The following MARCHF10 variants were observed in gnomAD, a reference collection of about 807,000 sequenced individuals.
The protein encoded by MARCHF10 is membrane associated ring-CH-type finger 10, also known as probable E3 ubiquitin-protein ligase MARCHF10.
Under a neutral mutation model 76.2 loss-of-function variants are expected in MARCHF10, and 64 were observed. That is an observed-to-expected ratio of 0.84 (90% CI 0.69 to 1.03). The LOEUF (loss-of-function observed/expected upper bound fraction) is 1.03. MARCHF10 is among the 50% of genes least tolerant of loss of function. The pLI is 0.00. For synonymous variants in MARCHF10, 340 were observed against 357.5 expected (o/e 0.95, Z 0.55); for missense variants, 875 against 958.0 (o/e 0.91, Z 1.14).
intron 3 of MARCHF10, among the ~76,000 whole-genome samples, chr17:62,771,652 C>G (rs2092450750): frequency 6.7e-6 from 1 of 150,006 alleles, no homozygotes; most frequent in African/African-American, 2.5e-5. Context: ...TCTCGGCTCA[C>G]TGCAAGCTCT....
intron 1 of MARCHF10, among the ~76,000 whole-genome samples, chr17:62,803,400 G>T (rs2093109629): frequency 1.3e-5 from 2 of 152,154 alleles, no homozygotes; most frequent in African/African-American, 4.8e-5. Context: ...GAAGACCATT[G>T]GGAATATTTC....
At chr17:62,796,209 C>G (rs1482597551) in intron 2 of MARCHF10, among the ~76,000 whole-genome samples, 3 of 152,014 alleles carry the variant, frequency 2.0e-5, no homozygotes, top group Non-Finnish European at 4.4e-5. Flanking sequence ...CCAGGCTGAT[C>G]TCAAACTCCT....
intron 2 of MARCHF10, among the ~76,000 whole-genome samples, chr17:62,789,404 A>G (rs2092804603): frequency 6.6e-6 from 1 of 152,200 alleles, no homozygotes; most frequent in Non-Finnish European, 1.5e-5. Context: ...TCTACTAAAA[A>G]GCCTGCTGCT....
rs1411181103 is a variant in MARCHF10 at position 62,736,797 on chromosome 17, G to C, written c.1071C>G (p.Ser357Arg). ...SEPSHGSLRI[S>R]NAMEPATERP... Reference sequence around the variant, plus strand: ...GCTCTGTTGCTGGCTCCATTGCATTGCTTATTCTCAATGAGCCATGACTGG... The same window carrying C: ...GCTCTGTTGCTGGCTCCATTGCATTCCTTATTCTCAATGAGCCATGACTGG... The change falls in exon 6 of 11, where the codon AGC (serine) becomes AGG (arginine). Residue 357 changes from serine (S) to arginine (R), a missense_variant. Transcript: ENST00000311269. 1.2e-6 allele frequency: 2 copies of C among 1,614,128 alleles called. No individual in the cohort carries two copies. Among genetic ancestry groups the C allele is most frequent in the Non-Finnish European group, 1.7e-6 (2 of 1,180,022 alleles).
chr17:62,733,036 C>CTAGAA (rs1358634464), intron 6 of MARCHF10, among the ~76,000 whole-genome samples: 1 of 139,568 alleles, frequency 7.2e-6, no homozygotes, highest in Non-Finnish European at 1.6e-5. Context: ...AAAAGACAAA[C>CTAGAA]TAGACAAACT....
chr17:62,710,654 G>A (rs984268000), intron 9 of MARCHF10, among the ~76,000 whole-genome samples: 2 of 148,754 alleles, frequency 1.3e-5, no homozygotes, highest in African/African-American at 5.0e-5. Context: ...TGTCTTCTGG[G>A]TTCCAGCGAT....
intron 6 of MARCHF10, among the ~76,000 whole-genome samples, chr17:62,731,803 C>A (rs1353823142): frequency 6.6e-6 from 1 of 152,048 alleles, no homozygotes; most frequent in Non-Finnish European, 1.5e-5. Flanking sequence ...GGAGACCGAT[C>A]AAATCATAAT....
intron 1 of MARCHF10, among the ~76,000 whole-genome samples, chr17:62,802,479 C>T (rs1270989060): frequency 1.3e-5 from 2 of 152,114 alleles, no homozygotes; most frequent in African/African-American, 2.4e-5. Flanking sequence ...CTCAGCCTCC[C>T]GAAGTGCTGG....
intron 5 of MARCHF10, among the ~76,000 whole-genome samples, chr17:62,739,384 C>CTT (rs954333236): frequency 2.1e-5 from 3 of 141,784 alleles, no homozygotes; most frequent in Non-Finnish European, 3.1e-5. Flanking sequence ...TGGCTGATGA[C>CTT]TTTTTTTTTT....
intron 3 of MARCHF10, among the ~76,000 whole-genome samples, chr17:62,780,706 A>G (rs143429210): frequency 1.8e-3 from 277 of 152,276 alleles, no homozygotes; most frequent in African/African-American, 6.4e-3. Context: ...TTTCTTCCCC[A>G]TGAAGTAAAT....
At chr17:62,743,702 G>T (rs2091599054) in intron 5 of MARCHF10, among the ~76,000 whole-genome samples, 2 of 152,140 alleles carry the variant, frequency 1.3e-5, no homozygotes, top group South Asian at 4.1e-4. Flanking sequence ...ATGACATAAT[G>T]GGATGCTCAG....
Position 62,723,007 on chromosome 17 carries a change from G to A in MARCHF10, c.2105-410C>T, listed in dbSNP as rs1001573860. 4.0e-5 allele frequency among the ~76,000 whole-genome samples: 6 copies of A among 151,124 alleles called. No homozygotes were observed. The East Asian group carries it at 5.9e-4, about 15-fold the overall frequency. On this transcript the variant is annotated intron_variant, in intron 7 of 10. Coordinates refer to ENST00000311269, the MANE Select transcript of MARCHF10 (RefSeq NM_152598.4). ...AGGTCCAAGTAAATAAATTAGTGAGGACCAAAATAGATGGCAGAAGCTATT... is the reference window on the plus strand; with the variant it reads ...AGGTCCAAGTAAATAAATTAGTGAGAACCAAAATAGATGGCAGAAGCTATT...
chr17:62,768,284 G>T (rs2092378593), intron 3 of MARCHF10, among the ~76,000 whole-genome samples: 1 of 152,158 alleles, frequency 6.6e-6, no homozygotes, highest in Admixed American at 6.5e-5. Flanking sequence ...TTTGGGAAGC[G>T]GAGGTGGGTG....
chr17:62,705,227 T>C, intron 10 of MARCHF10: 1 of 1,315,994 alleles, frequency 7.6e-7, no homozygotes, highest in African/African-American at 1.5e-5. Context: ...CTCCAAGTGC[T>C]GGACGCTGGA....
chr17:62,747,142 G>A (rs889197126), intron 4 of MARCHF10, among the ~76,000 whole-genome samples: 3 of 152,184 alleles, frequency 2.0e-5, no homozygotes, highest in Admixed American at 6.5e-5. Context: ...TCATACTGCT[G>A]TGCAGGACAA....
rs756552142 is a variant in MARCHF10 at position 62,711,392 on chromosome 17, G to A, written c.2215-48C>T. The stretch of plus-strand genomic sequence containing the variant: ...TTCAGTTCATCTGTAAAATAGTCAT[G>A]GTCTAAATTGTGGGATGCAGGGTAA... On this transcript the variant is annotated intron_variant, in intron 8 of 10. Coordinates refer to ENST00000311269, the MANE Select transcript of MARCHF10 (RefSeq NM_152598.4). The surrounding 1 kb of genome is among the most constrained non-coding windows in gnomAD (Gnocchi z 4.4). The A allele has an allele frequency of 2.6e-6, 4 of 1,565,328 alleles. No homozygotes were observed. Among genetic ancestry groups the A allele is most frequent in the South Asian group, 1.1e-5 (1 of 89,586 alleles).
chr17:62,769,377 T>C (rs953800762), intron 3 of MARCHF10, among the ~76,000 whole-genome samples: 3 of 152,212 alleles, frequency 2.0e-5, no homozygotes, highest in Non-Finnish European at 2.9e-5. Flanking sequence ...GATAATTACA[T>C]TGGGGTAGCA....
intron 6 of MARCHF10, 149 bp from the exon 7 acceptor site, chr17:62,725,253 A>G: frequency 1.6e-6 from 1 of 633,624 alleles, no homozygotes; most frequent in Non-Finnish European, 2.5e-6. Context: ...ATTTTTGATA[A>G]CACAGGCACA....
At chr17:62,798,126 C>T (rs2093014921) in intron 2 of MARCHF10, among the ~76,000 whole-genome samples, 1 of 152,070 alleles carries the variant, frequency 6.6e-6, no homozygotes, top group African/African-American at 2.4e-5. Context: ...CCCAGGATTA[C>T]AAGTCTTAGT....
Sources: allele counts gnomAD v4.1 joint callset (sites outside exome capture counted in the v4.1 genomes callset), GRCh38; gene constraint gnomAD v4.1.1; non-coding constraint Gnocchi (gnomAD v3.1); transcripts MANE v1.5; gene names NCBI Gene and HGNC (gene_info 2026-07-23, HGNC 2026-07-21).